Variants in USP43 observed in about 807,000 individuals in gnomAD.
USP43 encodes the protein ubiquitin carboxyl-terminal hydrolase 43.
A neutral mutation model predicts 90.7 loss-of-function variants in USP43; 33 were observed. That is an observed-to-expected ratio of 0.36 (90% CI 0.28 to 0.49). The LOEUF is 0.49. Ranked by LOEUF, USP43 falls within the 20% of genes least tolerant of loss-of-function variation. The pLI, the probability that USP43 is intolerant of heterozygous loss-of-function variation, is 0.98. For synonymous variants in USP43, 598 were observed against 615.8 expected (o/e 0.97, Z 0.43); for missense variants, 1,274 against 1,476.4 (o/e 0.86, Z 2.25).
At chr17:9,652,692 CT>C (rs1911959897) in intron 1 of USP43, among the ~76,000 whole-genome samples, 1 of 151,942 alleles carries the variant, frequency 6.6e-6, no homozygotes, top group African/African-American at 2.4e-5. Context: ...GGAATGTCTT[CT>C]GTATTCATCA....
At position 9,693,249 on chromosome 17, in the gene USP43, G is replaced by T. The variant is rs1915067781; in HGVS notation, c.1457+19G>T. The T allele has an allele frequency of 6.3e-7, 1 of 1,595,106 alleles. No homozygotes were observed. Among genetic ancestry groups the T allele is most frequent in the South Asian group, 1.1e-5 (1 of 89,088 alleles). ...TTGACAGGTAAGGGGGAAGGTCCAGGTTCAGTCAGCTAATGAACCCTTTCT... is the reference window on the plus strand; with the variant it reads ...TTGACAGGTAAGGGGGAAGGTCCAGTTTCAGTCAGCTAATGAACCCTTTCT... On this transcript the variant is annotated intron_variant, in intron 9 of 14. Coordinates refer to ENST00000285199, the MANE Select transcript of USP43 (RefSeq NM_153210.5).
At chr17:9,667,383 C>A (rs533332660) in intron 3 of USP43, among the ~76,000 whole-genome samples, 324 of 151,938 alleles carry the variant, frequency 2.1e-3, no homozygotes, top group African/African-American at 7.6e-3. Flanking sequence ...CAGAGTGAAA[C>A]CCTATCTCAA....
Position 9,711,978 on chromosome 17 carries a change from C to A in USP43, c.2181C>A (p.Ser727Arg). ...SASSSMRGST[S>R]SSLSDHWLLR... The stretch of plus-strand genomic sequence containing the variant: ...GTGTTTCCTCCACAGGCTCTACCAG[C>A]TCCTCCCTGTCTGATCACTGGCTCT... The change falls in exon 14 of 15, where the codon AGC becomes AGA. Residue 727 changes from serine to arginine, a missense_variant. Coordinates refer to ENST00000285199, the MANE Select transcript of USP43 (RefSeq NM_153210.5). 1 of 1,606,750 alleles carries A rather than the reference C, an allele frequency of 6.2e-7. No individual in the cohort carries two copies. Among genetic ancestry groups the A allele is most frequent in the Non-Finnish European group, 8.5e-7 (1 of 1,176,322 alleles).
intron 2 of USP43, among the ~76,000 whole-genome samples, chr17:9,659,489 C>T (rs1912496335): frequency 6.8e-6 from 1 of 147,944 alleles, no homozygotes; most frequent in Non-Finnish European, 1.5e-5. Context: ...TAAAGCTTTC[C>T]TCATGCTTTC....
chr17:9,679,575 G>C (rs1269217746), intron 5 of USP43, among the ~76,000 whole-genome samples: 1 of 146,640 alleles, frequency 6.8e-6, no homozygotes, highest in East Asian at 2.0e-4. Flanking sequence ...GCCCAGGCTG[G>C]AGTGCAGTGG....
At chr17:9,670,476 G>A (rs563382083) in intron 3 of USP43, among the ~76,000 whole-genome samples, 1 of 152,278 alleles carries the variant, frequency 6.6e-6, no homozygotes, top group Admixed American at 6.5e-5. Context: ...GGGAAGTGGA[G>A]GGGTTTGGAG....
At chr17:9,687,929 C>T (rs560687555) in intron 8 of USP43, among the ~76,000 whole-genome samples, 95 of 152,318 alleles carry the variant, frequency 6.2e-4, no homozygotes, top group African/African-American at 1.9e-3. Flanking sequence ...AGAGTTTTGC[C>T]TTCTCCCAAA....
Position 9,674,793 on chromosome 17 carries a change from C to A in USP43, c.741-98C>A. 1.0e-6 allele frequency: 1 copy of A among 986,878 alleles called. No homozygotes were observed. The highest frequency in any genetic ancestry group is 1.6e-6 in the Non-Finnish European group (1 of 621,450). 61.1% of individuals were successfully genotyped at this position (986,878 alleles called of 1,614,324 possible). ...CTGGGTATGTACCTACGAGTGGAAT[C>A]ACAGGGAGTGGAAATGCAAGGATAA... is the stretch of plus-strand genomic sequence containing the variant. On this transcript the variant is annotated intron_variant, in intron 3 of 14. Transcript: ENST00000285199. The surrounding 1 kb of genome is among the most constrained non-coding windows in gnomAD (Gnocchi z 4.4).
chr17:9,700,456 T>C (rs1915505278), intron 10 of USP43, among the ~76,000 whole-genome samples: 1 of 152,176 alleles, frequency 6.6e-6, no homozygotes, highest in Non-Finnish European at 1.5e-5. Flanking sequence ...GTGATGGTGG[T>C]GGTGGTGGGT....
chr17:9,650,050 A>T lies in USP43; in HGVS notation c.504+3914A>T, dbSNP rs1321716112. The stretch of plus-strand genomic sequence containing the variant: ...GAGACATGGCTTTTTAAAAACAAGG[A>T]TGCCTTCTTCACCACTCTTACGTTT... On this transcript the variant is annotated intron_variant, in intron 1 of 14. Coordinates refer to ENST00000285199, the MANE Select transcript of USP43 (RefSeq NM_153210.5). Among the ~76,000 whole-genome samples, 3 of 152,196 alleles carry T rather than the reference A, an allele frequency of 2.0e-5. No individual in the cohort carries two copies. In the East Asian group the frequency reaches 5.8e-4, roughly 29 times the overall value.
rs183080848 is a variant in USP43, at chr17:9,676,349, T to C, written c.834-397T>C. Among the ~76,000 whole-genome samples the C allele has an allele frequency of 1.6e-4, 24 of 152,282 alleles. 1 individual carries two copies. Among genetic ancestry groups the C allele is most frequent in the Non-Finnish European group, 1.3e-4 (9 of 68,000 alleles). Reference sequence around the variant, plus strand: ...CAGGAAGCGGAGATTAACTATGTGCTGAACTTGATCCATTATCTTTCTTTC... The same window carrying C: ...CAGGAAGCGGAGATTAACTATGTGCCGAACTTGATCCATTATCTTTCTTTC... On this transcript the variant is annotated intron_variant, in intron 4 of 14. Transcript: ENST00000285199.
chr17:9,691,904 G>C (rs1395926552), intron 8 of USP43, among the ~76,000 whole-genome samples: 1 of 151,938 alleles, frequency 6.6e-6, no homozygotes, highest in Non-Finnish European at 1.5e-5. Flanking sequence ...TTAGCCGGGT[G>C]TGGTGGCGGG....
chr17:9,647,539 G>A (rs1317433260), intron 1 of USP43: 1 of 152,100 alleles, frequency 6.6e-6, no homozygotes, highest in Non-Finnish European at 1.5e-5. Context: ...TGAGTTCTAT[G>A]TAGAACACAG....
intron 14 of USP43, among the ~76,000 whole-genome samples, chr17:9,717,360 AGTGT>A (rs56058514): frequency 2.9e-3 from 418 of 145,430 alleles, no homozygotes; most frequent in African/African-American, 6.8e-3. Context: ...GCTTGGGCAC[AGTGT>A]GTGTGTGTGT....
At chr17:9,723,855 C>A (rs1250707564) in intron 14 of USP43, among the ~76,000 whole-genome samples, 2 of 151,886 alleles carry the variant, frequency 1.3e-5, no homozygotes, top group Admixed American at 6.6e-5. Context: ...GTGATCCACC[C>A]GCCTCGGCCT....
chr17:9,663,069 CG>C (rs1475955471), intron 2 of USP43, among the ~76,000 whole-genome samples: 1 of 151,928 alleles, frequency 6.6e-6, no homozygotes. Flanking sequence ...CCACTCACCT[CG>C]GCTTCCCAAA....
chr17:9,713,420 C>T (rs576256641), intron 14 of USP43, among the ~76,000 whole-genome samples: 1 of 152,280 alleles, frequency 6.6e-6, no homozygotes, highest in East Asian at 1.9e-4. Context: ...CTCTCTTCAT[C>T]TGCCCCCATT....
At chr17:9,694,403 C>G (rs977736633) in intron 9 of USP43, among the ~76,000 whole-genome samples, 1 of 152,152 alleles carries the variant, frequency 6.6e-6, no homozygotes, top group Non-Finnish European at 1.5e-5. Flanking sequence ...CACACTCAGT[C>G]TTGGAGATAA....
intron 12 of USP43, among the ~76,000 whole-genome samples, chr17:9,705,687 G>C (rs1915830188): frequency 6.6e-6 from 1 of 151,092 alleles, no homozygotes; most frequent in Non-Finnish European, 1.5e-5. Flanking sequence ...CCCAGAGGTG[G>C]AGATTGCAGT....
Sources: allele counts gnomAD v4.1 joint callset (sites outside exome capture counted in the v4.1 genomes callset), GRCh38; gene constraint gnomAD v4.1.1; non-coding constraint Gnocchi (gnomAD v3.1); transcripts MANE v1.5; gene names NCBI Gene and HGNC (gene_info 2026-07-23, HGNC 2026-07-21).